The following FOXP1 variants were observed in gnomAD, a reference collection of about 807,000 sequenced individuals.
FOXP1 encodes forkhead box protein P1.
In FOXP1, 15 loss-of-function variants were observed where a neutral mutation model predicts 98.2. That is an observed-to-expected ratio of 0.15 (90% CI 0.10 to 0.24). The LOEUF (loss-of-function observed/expected upper bound fraction) is 0.24, where lower values mean the gene tolerates loss of function less well. Ranked by LOEUF, FOXP1 falls within the 10% of genes least tolerant of loss-of-function variation. FOXP1 has a pLI of 1.00. For missense variants in FOXP1, 633 were observed against 848.5 expected (o/e 0.75, Z 3.15); for synonymous variants, 371 against 314.5 (o/e 1.18, Z -1.90).
At chr3:71,075,366 C>A (rs2053688183) in intron 7 of FOXP1, among the ~76,000 whole-genome samples, 1 of 152,104 alleles carries the variant, frequency 6.6e-6, no homozygotes, top group East Asian at 1.9e-4. Flanking sequence ...CTACATACCA[C>A]TTTTCCTTCA....
chr3:70,964,498 T>G (rs1397288027), intron 20 of FOXP1, among the ~76,000 whole-genome samples: 1 of 152,210 alleles, frequency 6.6e-6, no homozygotes, highest in Non-Finnish European at 1.5e-5. Flanking sequence ...AACCAGACAT[T>G]TTTGTTCTGA....
intron 3 of FOXP1, among the ~76,000 whole-genome samples, chr3:71,373,086 G>A (rs2079459645): frequency 6.6e-6 from 1 of 152,100 alleles, no homozygotes; most frequent in East Asian, 1.9e-4. Context: ...GGACGACTCC[G>A]AAAAACCACT....
At chr3:71,157,918 C>T (rs1279350375) in intron 6 of FOXP1, among the ~76,000 whole-genome samples, 1 of 151,850 alleles carries the variant, frequency 6.6e-6, no homozygotes, top group Non-Finnish European at 1.5e-5. Flanking sequence ...GAAACCTCAT[C>T]TCTATCAGAA....
intron 4 of FOXP1, among the ~76,000 whole-genome samples, chr3:71,317,222 A>C (rs192341798): frequency 6.6e-6 from 1 of 152,356 alleles, no homozygotes; most frequent in East Asian, 1.9e-4. Flanking sequence ...ATAGGAAAGG[A>C]AAAAAATTCC....
intron 3 of FOXP1, among the ~76,000 whole-genome samples, chr3:71,360,199 G>T (rs1051364023): frequency 6.6e-6 from 1 of 152,184 alleles, no homozygotes; most frequent in Non-Finnish European, 1.5e-5. Context: ...TTTGCCATGA[G>T]TTTTGATCTT....
intron 7 of FOXP1, among the ~76,000 whole-genome samples, chr3:71,087,657 C>G (rs532254297): frequency 1.7e-3 from 264 of 152,182 alleles, no homozygotes; most frequent in Non-Finnish European, 2.6e-3. Context: ...TCAGAAAAAC[C>G]CTGCTTTGCT....
intron 2 of FOXP1, among the ~76,000 whole-genome samples, chr3:71,564,928 A>G (rs2046798234): frequency 1.3e-5 from 2 of 152,168 alleles, no homozygotes; most frequent in Admixed American, 1.3e-4. Context: ...CAGCCAGGCC[A>G]ACATGCTGAA....
At chr3:71,152,878 G>A (rs17699304) in intron 6 of FOXP1, among the ~76,000 whole-genome samples, 55,078 of 151,972 alleles carry the variant, frequency 0.36, 10,573 homozygotes, top group East Asian at 0.69. Flanking sequence ...AAAAAGGGTG[G>A]AGTGGAAAGG....
chr3:70,965,780 C>G (rs1326252592), intron 20 of FOXP1, 110 bp downstream of exon 20: 2 of 1,149,874 alleles, frequency 1.7e-6, no homozygotes, highest in Non-Finnish European at 2.6e-6. Context: ...TCTGGGAAAT[C>G]AGAAATTACA....
At chr3:70,977,235 T>A (rs1381408756) in intron 16 of FOXP1, among the ~76,000 whole-genome samples, 193 bp from the exon 17 acceptor site, 1 of 152,128 alleles carries the variant, frequency 6.6e-6, no homozygotes, top group Non-Finnish European at 1.5e-5. Context: ...TCTAATTGTT[T>A]TGAGTTTTTA....
chr3:71,537,494 T>C (rs547687094), intron 2 of FOXP1, among the ~76,000 whole-genome samples: 1 of 152,268 alleles, frequency 6.6e-6, no homozygotes, highest in African/African-American at 2.4e-5. Context: ...AGAGGCCAAG[T>C]CGGAGAAGCA....
At chr3:71,394,983 C>A (rs957745031) in intron 3 of FOXP1, among the ~76,000 whole-genome samples, 7 of 151,612 alleles carry the variant, frequency 4.6e-5, no homozygotes, top group African/African-American at 1.7e-4. Context: ...GCCTGTAATC[C>A]CAGCTACTTG....
At chr3:71,007,340 C>G (rs186979261) in intron 12 of FOXP1, among the ~76,000 whole-genome samples, 1 of 152,130 alleles carries the variant, frequency 6.6e-6, no homozygotes, top group African/African-American at 2.4e-5. Context: ...CAGCTATTCC[C>G]TCTACATGGC....
chr3:71,238,438 G>T (rs1392930377), intron 5 of FOXP1, among the ~76,000 whole-genome samples: 1 of 152,104 alleles, frequency 6.6e-6, no homozygotes, highest in Non-Finnish European at 1.5e-5. Flanking sequence ...GGGTGTGGGG[G>T]GGTGTGTGTG....
intron 5 of FOXP1, among the ~76,000 whole-genome samples, chr3:71,291,342 C>T (rs529219000): frequency 6.6e-6 from 1 of 152,242 alleles, no homozygotes; most frequent in East Asian, 1.9e-4. Context: ...AACATGTAAT[C>T]GATGAAGAAA....
At chr3:71,184,230 T>C (rs1297888807) in intron 6 of FOXP1, among the ~76,000 whole-genome samples, 1 of 152,194 alleles carries the variant, frequency 6.6e-6, no homozygotes, top group Non-Finnish European at 1.5e-5. Context: ...CTGACTGCCA[T>C]AGAGCCACTC....
At chr3:71,003,918 C>T (rs1333874309) in intron 12 of FOXP1, among the ~76,000 whole-genome samples, 1 of 152,018 alleles carries the variant, frequency 6.6e-6, no homozygotes, top group Admixed American at 6.6e-5. Context: ...ATGTAGGTCA[C>T]TGTCACTAGG....
intron 2 of FOXP1, among the ~76,000 whole-genome samples, chr3:71,548,312 G>A (rs1281117339): frequency 6.6e-6 from 1 of 152,110 alleles, no homozygotes; most frequent in Non-Finnish European, 1.5e-5. Flanking sequence ...CACAAATAGC[G>A]TAAGTTTATA....
intron 3 of FOXP1, among the ~76,000 whole-genome samples, chr3:71,370,208 T>G (rs866175145): frequency 2.8e-4 from 42 of 152,282 alleles, no homozygotes; most frequent in Middle Eastern, 3.4e-3. Context: ...GTGCCAGGAC[T>G]TCCAAAACCA....
Sources: allele counts gnomAD v4.1 joint callset (sites outside exome capture counted in the v4.1 genomes callset), GRCh38; gene constraint gnomAD v4.1.1; transcripts MANE v1.5; gene names NCBI Gene and HGNC (gene_info 2026-07-23, HGNC 2026-07-21).